Variants in DPP10 observed in about 807,000 individuals in gnomAD.
DPP10 encodes the protein dipeptidyl peptidase like 10, also known as inactive dipeptidyl peptidase 10.
In DPP10, 33 loss-of-function variants were observed where a neutral mutation model predicts 120.9. The ratio of observed to expected loss-of-function variants is 0.27; its 90% CI spans 0.21 to 0.37. DPP10 has a LOEUF of 0.37. Ranked by LOEUF, DPP10 falls within the 10% of genes least tolerant of loss-of-function variation. The pLI is 1.00. For missense variants in DPP10, 816 were observed against 942.8 expected, an observed-to-expected ratio of 0.87 and a Z score of 1.76; for synonymous variants, 337 against 326.1, an observed-to-expected ratio of 1.03 and a Z score of -0.36.
chr2:115,817,674 T>C (rs977001146), intron 21 of DPP10, among the ~76,000 whole-genome samples: 1 of 106,394 alleles, frequency 9.4e-6, no homozygotes, highest in Non-Finnish European at 2.3e-5. Flanking sequence ...AAAGGTTAGT[T>C]TTTTGTTTTT....
intron 5 of DPP10, among the ~76,000 whole-genome samples, chr2:115,617,272 T>TTATA (rs1553462561): frequency 4.4e-5 from 6 of 135,876 alleles, no homozygotes; most frequent in Non-Finnish European, 4.6e-5. Flanking sequence ...TATATATTTT[T>TTATA]TATATATATA....
At chr2:115,411,008 G>A (rs1010911371) in intron 3 of DPP10, among the ~76,000 whole-genome samples, 5 of 152,004 alleles carry the variant, frequency 3.3e-5, no homozygotes, top group Non-Finnish European at 7.4e-5. Context: ...AAGAGCCGTA[G>A]TATGAAAAAT....
intron 5 of DPP10, among the ~76,000 whole-genome samples, chr2:115,603,560 G>GTTTTTTTT: frequency 7.9e-6 from 1 of 126,426 alleles, no homozygotes; most frequent in Non-Finnish European, 1.6e-5. Flanking sequence ...CGTTGTTGTT[G>GTTTTTTTT]TTTTTTTTTG....
intron 1 of DPP10, among the ~76,000 whole-genome samples, chr2:114,660,338 C>G (rs1223400149): frequency 6.6e-6 from 1 of 152,110 alleles, no homozygotes; most frequent in African/African-American, 2.4e-5. Context: ...TCCTTGACAC[C>G]TGCTCAGAGC....
chr2:115,055,200 A>T (rs1237867237), intron 1 of DPP10, among the ~76,000 whole-genome samples: 1 of 152,188 alleles, frequency 6.6e-6, no homozygotes, highest in Non-Finnish European at 1.5e-5. Flanking sequence ...GACACCAACT[A>T]GTAATGTTTT....
intron 1 of DPP10, among the ~76,000 whole-genome samples, chr2:114,613,226 G>C (rs183817526): frequency 1.3e-5 from 2 of 152,206 alleles, no homozygotes; most frequent in East Asian, 3.9e-4. Flanking sequence ...ATATTTATGT[G>C]ACAATGAAAC....
intron 2 of DPP10, among the ~76,000 whole-genome samples, chr2:115,325,448 TTA>T (rs1228191844): frequency 1.3e-5 from 2 of 152,132 alleles, no homozygotes; most frequent in Admixed American, 6.6e-5. Context: ...ATAATATTTA[TTA>T]TAACCCTGGC....
chr2:115,836,620 G>C, intron 23 of DPP10, 54 bp from the exon 24 acceptor site: 1 of 1,609,122 alleles, frequency 6.2e-7, no homozygotes, highest in Non-Finnish European at 8.5e-7. Context: ...TAAAAAATTA[G>C]TTAAATGGCT....
chr2:114,449,248 G>A (rs1375964568), intron 1 of DPP10, among the ~76,000 whole-genome samples: 1 of 152,004 alleles, frequency 6.6e-6, no homozygotes, highest in East Asian at 1.9e-4. Flanking sequence ...AATGTTCTTT[G>A]GCCCGTAGAT....
At chr2:114,645,725 T>G (rs112523203) in intron 1 of DPP10, among the ~76,000 whole-genome samples, 1 of 152,168 alleles carries the variant, frequency 6.6e-6, no homozygotes, top group Non-Finnish European at 1.5e-5. Flanking sequence ...CCCACTAGAC[T>G]GAAGCTTGCC....
At chr2:115,667,414 T>C (rs191442299) in intron 5 of DPP10, among the ~76,000 whole-genome samples, 2 of 152,236 alleles carry the variant, frequency 1.3e-5, no homozygotes, top group African/African-American at 4.8e-5. Flanking sequence ...ATACAATCTT[T>C]TCCAGTTTCT....
chr2:114,454,279 C>CT (rs999248942), intron 1 of DPP10, among the ~76,000 whole-genome samples: 1 of 152,172 alleles, frequency 6.6e-6, no homozygotes, highest in African/African-American at 2.4e-5. Context: ...TATTTCATCA[C>CT]TACCATTGTT....
intron 1 of DPP10, among the ~76,000 whole-genome samples, chr2:114,667,082 G>A (rs1271020618): frequency 1.3e-5 from 2 of 152,172 alleles, no homozygotes; most frequent in Non-Finnish European, 2.9e-5. Context: ...CTATGCAAAT[G>A]TGTGAGTGTG....
rs150842579 is a variant in DPP10, at chr2:115,126,038, C to T, written c.61-183201C>T. Among the ~76,000 whole-genome samples, 127 of 152,168 alleles carry T rather than the reference C, an allele frequency of 8.3e-4. No homozygotes were observed. In the Middle Eastern group the frequency reaches 0.014, roughly 16 times the overall value. On this transcript the variant is annotated intron_variant, in intron 1 of 25. Transcript: ENST00000410059. ...TTGAAAGCAACCCATATTTTGAATACCTTTATCTTATATAATTTTGTTCTA... is the reference window on the plus strand; with the variant it reads ...TTGAAAGCAACCCATATTTTGAATATCTTTATCTTATATAATTTTGTTCTA...
intron 2 of DPP10, among the ~76,000 whole-genome samples, chr2:115,334,505 A>T (rs937030540): frequency 3.3e-5 from 5 of 151,622 alleles, no homozygotes; most frequent in Non-Finnish European, 2.9e-5. Flanking sequence ...TTTCCAATTT[A>T]TATTTTGGAA....
At chr2:114,609,003 A>T (rs1380643070) in intron 1 of DPP10, among the ~76,000 whole-genome samples, 1 of 152,150 alleles carries the variant, frequency 6.6e-6, no homozygotes, top group East Asian at 1.9e-4. Flanking sequence ...CAATATACTC[A>T]GGTAGCAAAC....
intron 1 of DPP10, among the ~76,000 whole-genome samples, chr2:115,170,514 G>T (rs901570735): frequency 6.6e-6 from 1 of 152,084 alleles, no homozygotes; most frequent in African/African-American, 2.4e-5. Context: ...AAATTTCCTA[G>T]GATCTATGAA....
chr2:115,201,170 AAC>A, intron 1 of DPP10, among the ~76,000 whole-genome samples: 1 of 152,204 alleles, frequency 6.6e-6, no homozygotes, highest in Non-Finnish European at 1.5e-5. Flanking sequence ...CAGTTTTAAA[AAC>A]ACAGAACCGG....
chr2:115,518,909 A>G (rs558034004), intron 4 of DPP10, among the ~76,000 whole-genome samples: 5 of 152,140 alleles, frequency 3.3e-5, no homozygotes, highest in Non-Finnish European at 7.4e-5. Context: ...TCACAGCACC[A>G]TTTAAAAATA....
Sources: gnomAD v4.1 joint callset for allele counts (sites outside exome capture counted in the v4.1 genomes callset) on GRCh38, gnomAD v4.1.1 for gene constraint, MANE v1.5 for transcripts, NCBI Gene and HGNC (gene_info 2026-07-23, HGNC 2026-07-21) for gene names.